TANK: variants seen among roughly 807,000 people sequenced by gnomAD.
TANK encodes the protein TRAF family member-associated NF-kappa-B activator.
TANK carries 15 observed loss-of-function variants against 43.6 expected under a neutral mutation model. The observed-to-expected ratio is 0.34, with a 90% CI of 0.23 to 0.53. The LOEUF is 0.53. TANK is among the 20% of genes least tolerant of loss of function. TANK has a pLI of 0.94. For synonymous variants in TANK, 162 were observed against 178.2 expected (o/e 0.91, Z 0.73); for missense variants, 417 against 498.6 (o/e 0.84, Z 1.56).
At chr2:161,207,713 C>T in intron 4 of TANK, 1 of 985,196 alleles carries the variant, frequency 1.0e-6, no homozygotes. Flanking sequence ...AGTTATAATT[C>T]ACCTTTAGCT....
chr2:161,211,239 C>A (rs1194397062), intron 4 of TANK, among the ~76,000 whole-genome samples: 2 of 152,154 alleles, frequency 1.3e-5, no homozygotes, highest in Non-Finnish European at 2.9e-5. Context: ...CTAATAAAAT[C>A]CTAATCTCAC....
At chr2:161,160,228 T>C (rs1055562907), upstream of TANK, 42 of 387,692 alleles carry the variant, frequency 1.1e-4, no homozygotes, top group Non-Finnish European at 1.7e-4. Context: ...GCTTTTTTTT[T>C]CTAAGAGGCG....
intron 1 of TANK, among the ~76,000 whole-genome samples, chr2:161,172,602 T>G (rs7568498): frequency 0.11 from 16,722 of 152,182 alleles, 1,269 homozygotes; most frequent in Middle Eastern, 0.2. Context: ...CCTGAAAATT[T>G]TCTTTCTGTC....
At chr2:161,172,302 A>C (rs946296771) in intron 1 of TANK, among the ~76,000 whole-genome samples, 2 of 149,998 alleles carry the variant, frequency 1.3e-5, no homozygotes, top group Non-Finnish European at 3.0e-5. Context: ...TGGTACAATA[A>C]TGCGTATTGC....
At chr2:161,187,231 G>T (rs187996122) in intron 2 of TANK, among the ~76,000 whole-genome samples, 1 of 152,180 alleles carries the variant, frequency 6.6e-6, no homozygotes, top group Non-Finnish European at 1.5e-5. Flanking sequence ...TTTAAGACCA[G>T]CCTGGGCCAA....
At chr2:161,176,402 G>A (rs1685174966) in intron 1 of TANK, among the ~76,000 whole-genome samples, 1 of 152,022 alleles carries the variant, frequency 6.6e-6, no homozygotes, top group Non-Finnish European at 1.5e-5. Context: ...GTATCAACCT[G>A]GAACTTATTT....
At chr2:161,205,460 A>G (rs1686607125) in intron 4 of TANK, among the ~76,000 whole-genome samples, 1 of 152,164 alleles carries the variant, frequency 6.6e-6, no homozygotes, top group East Asian at 1.9e-4. Flanking sequence ...AGATTAGATA[A>G]TAGCTTTCTA....
upstream of TANK, among the ~76,000 whole-genome samples, chr2:161,158,074 C>G (rs969534603): frequency 6.6e-6 from 1 of 151,964 alleles, no homozygotes; most frequent in African/African-American, 2.4e-5. Context: ...GAGACGTGGT[C>G]TCACTATGTT....
At chr2:161,219,664 C>A in intron 4 of TANK, 1 of 374,204 alleles carries the variant, frequency 2.7e-6, no homozygotes, top group Non-Finnish European at 5.3e-6. Context: ...TTTTTTGGTC[C>A]TGTTTTATAC....
intron 2 of TANK, among the ~76,000 whole-genome samples, chr2:161,193,024 C>T (rs1374993187): frequency 6.6e-6 from 1 of 152,210 alleles, no homozygotes; most frequent in African/African-American, 2.4e-5. Context: ...ATTTATACAT[C>T]TCTTTTTAGC....
upstream of TANK, among the ~76,000 whole-genome samples, chr2:161,159,575 TAG>T (rs1166209507): frequency 1.3e-5 from 2 of 152,172 alleles, no homozygotes; most frequent in Non-Finnish European, 2.9e-5. Flanking sequence ...TCAAGATAAC[TAG>T]ACAGAATGCA....
At chr2:161,168,733 T>C (rs1295074849) in intron 1 of TANK, among the ~76,000 whole-genome samples, 3 of 152,152 alleles carry the variant, frequency 2.0e-5, no homozygotes, top group Non-Finnish European at 4.4e-5. Flanking sequence ...CTGGGGAGGC[T>C]GAGGCACAAG....
At chr2:161,227,651 T>TAGC (rs776955333) in intron 6 of TANK, among the ~76,000 whole-genome samples, 4 of 152,280 alleles carry the variant, frequency 2.6e-5, no homozygotes, top group East Asian at 3.9e-4. Flanking sequence ...TCATTTCCAT[T>TAGC]AGCAGCAGCA....
intron 7 of TANK, among the ~76,000 whole-genome samples, chr2:161,232,207 C>T (rs1341109959): frequency 1.3e-5 from 2 of 152,044 alleles, no homozygotes; most frequent in African/African-American, 4.8e-5. Flanking sequence ...CACTCCTGCC[C>T]TCCCTTTTAG....
chr2:161,154,592 T>G (rs1330487258), intron 1 of TANK, among the ~76,000 whole-genome samples: 1 of 152,040 alleles, frequency 6.6e-6, no homozygotes. Flanking sequence ...GGACATAGAG[T>G]GTAAGCATGC....
chr2:161,210,741 C>T (rs1025723458), intron 4 of TANK, among the ~76,000 whole-genome samples: 1 of 148,618 alleles, frequency 6.7e-6, no homozygotes. Flanking sequence ...TTTTATGGCA[C>T]AGATAAAACA....
At chr2:161,200,217 G>A (rs1436665098) in intron 2 of TANK, 1 of 255,184 alleles carries the variant, frequency 3.9e-6, no homozygotes, top group African/African-American at 2.3e-5. Context: ...AGACATTGCT[G>A]TTGTACATTT....
chr2:161,193,866 C>T (rs1686027134), intron 2 of TANK, among the ~76,000 whole-genome samples: 1 of 152,132 alleles, frequency 6.6e-6, no homozygotes, highest in African/African-American at 2.4e-5. Flanking sequence ...AGCTGGGTGA[C>T]CATGTGCCGT....
intron 4 of TANK, among the ~76,000 whole-genome samples, chr2:161,209,862 A>G (rs1686802354): frequency 6.6e-6 from 1 of 152,226 alleles, no homozygotes; most frequent in African/African-American, 2.4e-5. Flanking sequence ...TGATTTAATA[A>G]TTAACATTAT....
Sources: allele counts gnomAD v4.1 joint callset (sites outside exome capture counted in the v4.1 genomes callset), GRCh38; gene constraint gnomAD v4.1.1; transcripts MANE v1.5; gene names NCBI Gene and HGNC (gene_info 2026-07-23, HGNC 2026-07-21).